ENPEP: variants seen among roughly 807,000 people sequenced by gnomAD.
The protein encoded by ENPEP is AP-A.
Under a neutral mutation model 114.5 loss-of-function variants are expected in ENPEP, and 103 were observed. That is an observed-to-expected ratio of 0.90 (90% CI 0.77 to 1.06). ENPEP has a LOEUF of 1.06. ENPEP is among the 50% of genes least tolerant of loss of function. The pLI is 0.00. For synonymous variants in ENPEP, 420 were observed against 422.0 expected, an observed-to-expected ratio of 1.00 and a Z score of 0.06; for missense variants, 1,196 against 1,161.3, an observed-to-expected ratio of 1.03 and a Z score of -0.43.
intron 2 of ENPEP, 48 bp downstream of exon 2, chr4:110,488,730 C>T: frequency 1.9e-6 from 3 of 1,558,208 alleles, no homozygotes; most frequent in Non-Finnish European, 2.6e-6. Flanking sequence ...CTGTTGACAA[C>T]ATTAGGCCAG....
At chr4:110,504,968 A>G (rs1725319378) in intron 3 of ENPEP, among the ~76,000 whole-genome samples, 1 of 152,206 alleles carries the variant, frequency 6.6e-6, no homozygotes, top group Non-Finnish European at 1.5e-5. Context: ...TATGTAGACA[A>G]CAGTGGAGCG....
At chr4:110,500,181 G>A (rs902395292) in intron 3 of ENPEP, 1 of 152,150 alleles carries the variant, frequency 6.6e-6, no homozygotes, top group Admixed American at 6.5e-5. Flanking sequence ...ACCAGGAATC[G>A]ATTCTCATGG....
At chr4:110,519,239 G>A (rs1725893232) in intron 8 of ENPEP, 1 of 355,232 alleles carries the variant, frequency 2.8e-6, no homozygotes, top group East Asian at 7.3e-5. Flanking sequence ...CGTGATTTAG[G>A]TACAGCACCT....
intron 8 of ENPEP, 27 bp from the exon 9 acceptor site, chr4:110,519,981 A>G: frequency 6.3e-7 from 1 of 1,599,226 alleles, no homozygotes; most frequent in Non-Finnish European, 8.6e-7. Flanking sequence ...ATTGACTTCT[A>G]ACATGCTGAT....
chr4:110,499,828 T>C (rs1332947783), intron 3 of ENPEP, among the ~76,000 whole-genome samples: 1 of 152,140 alleles, frequency 6.6e-6, no homozygotes. Flanking sequence ...AGTGAACGGA[T>C]TGGGGTAATT....
intron 11 of ENPEP, among the ~76,000 whole-genome samples, chr4:110,531,597 A>G (rs145858577): frequency 9.0e-4 from 137 of 151,980 alleles, no homozygotes; most frequent in African/African-American, 3.2e-3. Context: ...TTTTTCTTTT[A>G]TCAGATAAGC....
chr4:110,510,206 A>G, intron 5 of ENPEP, 39 bp from the exon 6 acceptor site: 1 of 1,541,198 alleles, frequency 6.5e-7, no homozygotes, highest in Non-Finnish European at 9.0e-7. Flanking sequence ...TACCATACCC[A>G]TAAGAATGTA....
intron 1 of ENPEP, among the ~76,000 whole-genome samples, chr4:110,483,466 T>G (rs1248365696): frequency 6.6e-6 from 1 of 151,994 alleles, no homozygotes; most frequent in Admixed American, 6.6e-5. Flanking sequence ...GTACCTTTTT[T>G]GGTTTTTTTT....
chr4:110,479,214 T>C (rs900471989), intron 1 of ENPEP, among the ~76,000 whole-genome samples: 1 of 152,180 alleles, frequency 6.6e-6, no homozygotes, highest in African/African-American at 2.4e-5. Flanking sequence ...GCATCAATGC[T>C]TTAAGATGTC....
intron 18 of ENPEP, among the ~76,000 whole-genome samples, chr4:110,556,504 GC>G (rs1291902502): frequency 6.6e-6 from 1 of 151,644 alleles, no homozygotes; most frequent in African/African-American, 2.4e-5. Flanking sequence ...AGTTTATTTA[GC>G]CAATCCCTAT....
At chr4:110,541,913 A>G (rs1303589617) in intron 11 of ENPEP, among the ~76,000 whole-genome samples, 1 of 152,192 alleles carries the variant, frequency 6.6e-6, no homozygotes, top group Non-Finnish European at 1.5e-5. Context: ...ATATCAAAGC[A>G]TAGCTATTAT....
rs2110404975 is a variant in ENPEP at position 110,559,698 on chromosome 4, A to G, written c.2694A>G (p.Pro898=). The stretch of plus-strand genomic sequence containing the variant: ...GCCGAATTGTCACAATAGCAGAGCC[A>G]TTCAACACTGAACTGCAACTGTGGC... The part of the protein sequence containing the change: ...NLGRIVTIAE[P]FNTELQLWQM... The change falls in exon 19 of 20, where the codon CCA becomes CCG. Residue 898 remains proline, a synonymous_variant. Coordinates refer to ENST00000265162, the MANE Select transcript of ENPEP (RefSeq NM_001977.4). The G allele has an allele frequency of 6.2e-7, 1 of 1,613,978 alleles. No individual in the cohort carries two copies. The highest frequency in any genetic ancestry group is 1.3e-5 in the African/African-American group (1 of 75,054).
chr4:110,525,382 AC>A (rs1217713311), intron 10 of ENPEP, among the ~76,000 whole-genome samples: 1 of 152,118 alleles, frequency 6.6e-6, no homozygotes, highest in Non-Finnish European at 1.5e-5. Flanking sequence ...GTAGCACATC[AC>A]TAGTCCTCTG....
At chr4:110,561,239 C>A (rs996406590) in intron 19 of ENPEP, among the ~76,000 whole-genome samples, 167 bp from the exon 20 acceptor site, 2 of 152,188 alleles carry the variant, frequency 1.3e-5, no homozygotes, top group African/African-American at 2.4e-5. Context: ...TATTGCTAAT[C>A]TGAGAGATGG....
chr4:110,496,670 C>G (rs1352521965), intron 3 of ENPEP, among the ~76,000 whole-genome samples: 1 of 152,094 alleles, frequency 6.6e-6, no homozygotes, highest in African/African-American at 2.4e-5. Flanking sequence ...GATCCTGACA[C>G]TTTTTAAGAG....
At chr4:110,527,012 A>T (rs1726223038) in intron 10 of ENPEP, among the ~76,000 whole-genome samples, 1 of 152,174 alleles carries the variant, frequency 6.6e-6, no homozygotes, top group Non-Finnish European at 1.5e-5. Context: ...GAAGAGAAAG[A>T]TCTTTATAGT....
chr4:110,499,730 A>G (rs1243695535), intron 3 of ENPEP, among the ~76,000 whole-genome samples: 1 of 152,216 alleles, frequency 6.6e-6, no homozygotes, highest in Non-Finnish European at 1.5e-5. Context: ...GTCATATGAT[A>G]TTGCCAAATT....
At chr4:110,515,773 T>G (rs1725741638) in intron 8 of ENPEP, 1 of 467,092 alleles carries the variant, frequency 2.1e-6, no homozygotes, top group Non-Finnish European at 4.3e-6. Flanking sequence ...GCATTTTTCT[T>G]GCAGTTATGG....
At chr4:110,503,808 A>C (rs1172186276) in intron 3 of ENPEP, among the ~76,000 whole-genome samples, 1 of 152,112 alleles carries the variant, frequency 6.6e-6, no homozygotes, top group Non-Finnish European at 1.5e-5. Flanking sequence ...CGCTGAATTC[A>C]TGTCCTTTGT....
Sources: gnomAD v4.1 joint callset for allele counts (sites outside exome capture counted in the v4.1 genomes callset) on GRCh38, gnomAD v4.1.1 for gene constraint, MANE v1.5 for transcripts, NCBI Gene and HGNC (gene_info 2026-07-23, HGNC 2026-07-21) for gene names.